BACH2: variants seen among roughly 807,000 people sequenced by gnomAD.
BACH2 encodes the protein BACH transcriptional regulator 2, also known as transcription regulator protein BACH2.
A neutral mutation model predicts 61.8 loss-of-function variants in BACH2; 5 were observed. The observed-to-expected ratio is 0.08, with a 90% CI of 0.04 to 0.17. BACH2 has a LOEUF of 0.17. Ranked by LOEUF, BACH2 falls within the 10% of genes least tolerant of loss-of-function variation. The pLI, the probability that BACH2 is intolerant of heterozygous loss-of-function variation, is 1.00. For synonymous variants in BACH2, 446 were observed against 440.1 expected (o/e 1.01, Z -0.17); for missense variants, 824 against 1,091.1 (o/e 0.76, Z 3.45).
chr6:90,139,846 A>G (rs1232500337), intron 4 of BACH2, among the ~76,000 whole-genome samples: 1 of 152,226 alleles, frequency 6.6e-6, no homozygotes, highest in East Asian at 1.9e-4. Flanking sequence ...ATAAGTGGCC[A>G]TAAAATCTAC....
At chr6:90,257,145 T>C (rs966983558) in intron 2 of BACH2, among the ~76,000 whole-genome samples, 1 of 152,224 alleles carries the variant, frequency 6.6e-6, no homozygotes, top group Non-Finnish European at 1.5e-5. Flanking sequence ...ACTTAGGTTG[T>C]TTCCATATCT....
intron 4 of BACH2, among the ~76,000 whole-genome samples, chr6:90,203,376 C>A (rs1343796662): frequency 8.0e-6 from 1 of 125,576 alleles, no homozygotes; most frequent in Non-Finnish European, 1.7e-5. Flanking sequence ...GAGCAAGACC[C>A]TCTCTCTCTC....
At chr6:90,068,818 C>T (rs986567502) in intron 5 of BACH2, among the ~76,000 whole-genome samples, 41 of 152,178 alleles carry the variant, frequency 2.7e-4, no homozygotes, top group African/African-American at 8.4e-4. Context: ...GGCTTCTGTT[C>T]TGACTTTTAT....
At chr6:90,135,971 A>T (rs1270241653) in intron 4 of BACH2, among the ~76,000 whole-genome samples, 1 of 151,998 alleles carries the variant, frequency 6.6e-6, no homozygotes, top group South Asian at 2.1e-4. Context: ...CATCATCCCT[A>T]CTTCTTATCT....
At chr6:90,102,777 C>T (rs928349623) in intron 4 of BACH2, among the ~76,000 whole-genome samples, 5 of 140,948 alleles carry the variant, frequency 3.5e-5, no homozygotes, top group African/African-American at 5.3e-5. Flanking sequence ...GCAACAAGAG[C>T]GAAACTCCAT....
chr6:90,126,372 A>G (rs1464703398), intron 4 of BACH2, among the ~76,000 whole-genome samples: 4 of 152,232 alleles, frequency 2.6e-5, no homozygotes, highest in African/African-American at 7.2e-5. Context: ...TACAGTGTCA[A>G]CAATGCTCTC....
At chr6:90,051,322 T>C (rs150726779) in intron 5 of BACH2, among the ~76,000 whole-genome samples, 7 of 152,314 alleles carry the variant, frequency 4.6e-5, no homozygotes, top group African/African-American at 1.7e-4. Context: ...TGCTAAACTT[T>C]CTCACTGGAC....
At chr6:90,106,157 G>T (rs1782897619) in intron 4 of BACH2, among the ~76,000 whole-genome samples, 1 of 152,172 alleles carries the variant, frequency 6.6e-6, no homozygotes, top group African/African-American at 2.4e-5. Context: ...ACAATTCAAA[G>T]ATATTTATTC....
At chr6:90,168,925 G>A (rs1337694646) in intron 4 of BACH2, among the ~76,000 whole-genome samples, 2 of 152,150 alleles carry the variant, frequency 1.3e-5, no homozygotes, top group African/African-American at 4.8e-5. Flanking sequence ...ACTCGGTTTT[G>A]TAAAGATATG....
intron 4 of BACH2, among the ~76,000 whole-genome samples, chr6:90,167,244 T>G (rs1308975194): frequency 6.6e-6 from 1 of 152,180 alleles, no homozygotes; most frequent in Admixed American, 6.5e-5. Context: ...AGGAGTAAAA[T>G]GTTTTAAAAA....
intron 6 of BACH2, among the ~76,000 whole-genome samples, chr6:89,959,831 CTT>C (rs1178238574): frequency 6.6e-6 from 1 of 152,188 alleles, no homozygotes; most frequent in African/African-American, 2.4e-5. Context: ...TTCAAAAACT[CTT>C]GTTTCCTAGG....
intron 4 of BACH2, among the ~76,000 whole-genome samples, chr6:90,110,551 T>C (rs1395074970): frequency 6.6e-6 from 1 of 152,234 alleles, no homozygotes; most frequent in Non-Finnish European, 1.5e-5. Context: ...CCTTAATGTA[T>C]TGGGAAGTTA....
intron 4 of BACH2, among the ~76,000 whole-genome samples, chr6:90,192,106 A>G (rs1768594857): frequency 6.6e-6 from 1 of 152,230 alleles, no homozygotes. Context: ...TAAGACAGCA[A>G]TATAGTGGTT....
At chr6:90,245,403 C>T (rs1562524264) in intron 3 of BACH2, among the ~76,000 whole-genome samples, 1 of 152,064 alleles carries the variant, frequency 6.6e-6, no homozygotes, top group Non-Finnish European at 1.5e-5. Context: ...CCAGTCAGGG[C>T]AACATAGAGA....
At chr6:89,960,054 C>T (rs182208613) in intron 6 of BACH2, among the ~76,000 whole-genome samples, 8 of 152,296 alleles carry the variant, frequency 5.3e-5, no homozygotes, top group Admixed American at 1.3e-4. Context: ...CTGCAGCTCC[C>T]GAGGCACCCG....
In BACH2 at chr6:89,951,215, C is replaced by A; in HGVS notation, c.891G>T (p.Glu297Asp). Residue 297 changes from glutamate (E) to aspartate (D), a missense_variant, in exon 7 of 9, where the codon GAG (glutamate) becomes GAT (aspartate). Coordinates refer to ENST00000257749, the MANE Select transcript of BACH2 (RefSeq NM_021813.4). This position sits in a 1 kb window ranked among gnomAD's most constrained non-coding sequence, Gnocchi z 6.4. Reference sequence around the variant, plus strand: ...CCCCCGCTCTGTCCTTGGCGTCAGGCTCATCTCCAGACAGGCAGAGCGTGA... The same window carrying A: ...CCCCCGCTCTGTCCTTGGCGTCAGGATCATCTCCAGACAGGCAGAGCGTGA... ...ESITLCLSGD[E>D]PDAKDRAGDV... The A allele has an allele frequency of 6.2e-7, 1 of 1,614,082 alleles. No homozygotes were observed. The highest frequency in any genetic ancestry group is 8.5e-7 in the Non-Finnish European group (1 of 1,180,032).
chr6:90,155,702 GTTTTTAAA>G (rs1173474550), intron 4 of BACH2, among the ~76,000 whole-genome samples: 3 of 152,086 alleles, frequency 2.0e-5, no homozygotes, highest in Non-Finnish European at 4.4e-5. Flanking sequence ...TTCCTGCTCT[GTTTTTAAA>G]TTTTTTTCCT....
intron 6 of BACH2, among the ~76,000 whole-genome samples, chr6:89,974,332 T>C (rs1478206809): frequency 6.6e-6 from 1 of 152,114 alleles, no homozygotes; most frequent in Non-Finnish European, 1.5e-5. Context: ...CGTCAATGAG[T>C]TAAACACGTA....
At chr6:90,249,123 C>T (rs529929547) in intron 3 of BACH2, among the ~76,000 whole-genome samples, 1 of 152,266 alleles carries the variant, frequency 6.6e-6, no homozygotes, top group East Asian at 1.9e-4. Flanking sequence ...TTTCCTTTAT[C>T]ACTTTTCAGA....
Sources: allele counts gnomAD v4.1 joint callset (sites outside exome capture counted in the v4.1 genomes callset), GRCh38; gene constraint gnomAD v4.1.1; non-coding constraint Gnocchi (gnomAD v3.1); transcripts MANE v1.5; gene names NCBI Gene and HGNC (gene_info 2026-07-23, HGNC 2026-07-21).